Variants in FAM81A observed in about 807,000 individuals in gnomAD.
FAM81A encodes the protein protein FAM81A.
Under a neutral mutation model 46.7 loss-of-function variants are expected in FAM81A, and 19 were observed. The ratio of observed to expected loss-of-function variants is 0.41; its 90% CI spans 0.28 to 0.60. FAM81A has a LOEUF of 0.60. Ranked by LOEUF, FAM81A falls within the 20% of genes least tolerant of loss-of-function variation. The probability of loss-of-function intolerance (pLI) is 0.34; values close to 1 mark genes in which losing one functional copy is unlikely to be tolerated. For synonymous variants in FAM81A, 183 were observed against 152.9 expected, an observed-to-expected ratio of 1.20 and a Z score of -1.45; for missense variants, 377 against 453.5, an observed-to-expected ratio of 0.83 and a Z score of 1.53.
intron 1 of FAM81A, among the ~76,000 whole-genome samples, chr15:59,457,984 T>C (rs2081504943): frequency 6.6e-6 from 1 of 152,250 alleles, no homozygotes; most frequent in Non-Finnish European, 1.5e-5. Flanking sequence ...TATCTTATTA[T>C]AAAGTTTTCA....
At chr15:59,401,860 G>A (rs1397815594) in intron 1 of FAM81A, 2 of 758,464 alleles carry the variant, frequency 2.6e-6, no homozygotes, top group Non-Finnish European at 4.9e-6. Flanking sequence ...TTATGGTAAG[G>A]CTTAGCCTTG....
At chr15:59,456,138 T>C (rs892031381) in intron 1 of FAM81A, among the ~76,000 whole-genome samples, 4 of 152,176 alleles carry the variant, frequency 2.6e-5, no homozygotes, top group African/African-American at 9.7e-5. Context: ...AGCCACTTTA[T>C]AGACTGGAGG....
intron 6 of FAM81A, among the ~76,000 whole-genome samples, chr15:59,510,880 G>T (rs1210263855): frequency 6.6e-6 from 1 of 150,904 alleles, no homozygotes; most frequent in East Asian, 2.0e-4. Context: ...GGATGTGGTG[G>T]TTCGCGCCCA....
At chr15:59,432,823 A>G (rs1411174349) in intron 2 of FAM81A, among the ~76,000 whole-genome samples, 8 of 152,106 alleles carry the variant, frequency 5.3e-5, no homozygotes, top group Admixed American at 4.6e-4. Context: ...ATCAAGATAA[A>G]TAGTATTTTA....
At chr15:59,401,060 A>G (rs1413620888) in intron 1 of FAM81A, among the ~76,000 whole-genome samples, 1 of 152,166 alleles carries the variant, frequency 6.6e-6, no homozygotes, top group Non-Finnish European at 1.5e-5. Flanking sequence ...TTATTTTTAT[A>G]ATGATTTTGT....
intron 2 of FAM81A, among the ~76,000 whole-genome samples, chr15:59,425,445 C>T (rs889863854): frequency 6.6e-6 from 1 of 152,154 alleles, no homozygotes; most frequent in African/African-American, 2.4e-5. Flanking sequence ...AAAAAGGCCC[C>T]TGACCTTCTG....
intron 6 of FAM81A, among the ~76,000 whole-genome samples, chr15:59,509,976 T>C (rs1421576818): frequency 2.0e-5 from 3 of 152,026 alleles, no homozygotes; most frequent in Admixed American, 6.6e-5. Context: ...GAGAATCTTA[T>C]GAGAGATAAT....
chr15:59,414,652 T>C (rs2081137763), intron 2 of FAM81A, among the ~76,000 whole-genome samples: 1 of 151,358 alleles, frequency 6.6e-6, no homozygotes, highest in African/African-American at 2.4e-5. Flanking sequence ...AACTGAGTTC[T>C]TTTTTGAGGA....
At position 59,483,227 on chromosome 15, in the gene FAM81A, G is replaced by A. The variant is rs184290523; in HGVS notation, c.295-9044G>A. 7.1e-4 allele frequency among the ~76,000 whole-genome samples: 108 copies of A among 151,794 alleles called. No individual in the cohort carries two copies. The East Asian group carries it at 0.015, about 21-fold the overall frequency. On this transcript the variant is annotated intron_variant, in intron 3 of 8. Coordinates refer to ENST00000288228, the MANE Select transcript of FAM81A (RefSeq NM_152450.3). Reference sequence around the variant, plus strand: ...TAATTTTTGTATTTTTAGTAGAGACGGGGGTTTCACCATTTTGGCCAGGCT... The same window carrying A: ...TAATTTTTGTATTTTTAGTAGAGACAGGGGTTTCACCATTTTGGCCAGGCT...
chr15:59,434,727 C>T (rs1255114496), upstream of FAM81A, among the ~76,000 whole-genome samples: 2 of 152,204 alleles, frequency 1.3e-5, no homozygotes, highest in Non-Finnish European at 2.9e-5. Flanking sequence ...ACACTCCTCC[C>T]AATGGATCTC....
At chr15:59,415,472 T>C (rs945797279) in intron 2 of FAM81A, among the ~76,000 whole-genome samples, 12 of 152,138 alleles carry the variant, frequency 7.9e-5, no homozygotes, top group African/African-American at 2.9e-4. Flanking sequence ...AATCTAATCA[T>C]GAGTGCTTAA....
chr15:59,507,072 A>T, intron 4 of FAM81A, 141 bp from the exon 5 acceptor site: 1 of 1,116,648 alleles, frequency 9.0e-7, no homozygotes, highest in Non-Finnish European at 1.2e-6. Flanking sequence ...AGCTCTTGGA[A>T]TTCATTTGAA....
chr15:59,433,411 C>A (rs1023485746), upstream of FAM81A, among the ~76,000 whole-genome samples: 1 of 152,014 alleles, frequency 6.6e-6, no homozygotes, highest in East Asian at 1.9e-4. Context: ...TAAGTTAAGA[C>A]GTAAACATTA....
chr15:59,438,320 T>A (rs749833932), intron 1 of FAM81A, 38 bp downstream of exon 1: 1 of 151,820 alleles, frequency 6.6e-6, no homozygotes, highest in African/African-American at 2.4e-5. Flanking sequence ...CCGGGCGGCC[T>A]CTGGGGCTGG....
At chr15:59,482,924 T>C (rs2081872227) in intron 3 of FAM81A, among the ~76,000 whole-genome samples, 1 of 152,182 alleles carries the variant, frequency 6.6e-6, no homozygotes, top group South Asian at 2.1e-4. Flanking sequence ...TCACATTTTG[T>C]CATTCACAGG....
chr15:59,476,964 A>G (rs1167649438), intron 3 of FAM81A, among the ~76,000 whole-genome samples: 2 of 151,594 alleles, frequency 1.3e-5, no homozygotes, highest in African/African-American at 4.8e-5. Context: ...TACTAAAAAT[A>G]CAAAAATTAG....
intron 2 of FAM81A, among the ~76,000 whole-genome samples, chr15:59,420,309 G>A (rs1350803065): frequency 6.6e-6 from 1 of 152,196 alleles, no homozygotes; most frequent in Non-Finnish European, 1.5e-5. Flanking sequence ...CCCAGCTTAT[G>A]CCACTGTAAC....
At chr15:59,398,191 G>A (rs895705345) in intron 1 of FAM81A, among the ~76,000 whole-genome samples, 1 of 152,136 alleles carries the variant, frequency 6.6e-6, no homozygotes. Context: ...TGTTAGGTGA[G>A]GACATCTTTG....
chr15:59,449,494 A>C (rs1199451610), intron 1 of FAM81A, among the ~76,000 whole-genome samples: 2 of 152,186 alleles, frequency 1.3e-5, no homozygotes, highest in African/African-American at 4.8e-5. Context: ...AAAAAATGAC[A>C]TTGTAGGCCG....
Sources: allele counts gnomAD v4.1 joint callset (sites outside exome capture counted in the v4.1 genomes callset), GRCh38; gene constraint gnomAD v4.1.1; transcripts MANE v1.5; gene names NCBI Gene and HGNC (gene_info 2026-07-23, HGNC 2026-07-21).